The following MMRN1 variants were observed in gnomAD, a reference collection of about 807,000 sequenced individuals.
MMRN1 encodes multimerin 1.
In MMRN1, 94 loss-of-function variants were observed where a neutral mutation model predicts 100.7. The ratio of observed to expected loss-of-function variants is 0.93; its 90% CI spans 0.79 to 1.11. The LOEUF (loss-of-function observed/expected upper bound fraction) is 1.11. MMRN1 is among the 50% of genes least tolerant of loss of function. The pLI is 0.00. For synonymous variants in MMRN1, 575 were observed against 505.0 expected, an observed-to-expected ratio of 1.14 and a Z score of -1.86; for missense variants, 1,606 against 1,439.1, an observed-to-expected ratio of 1.12 and a Z score of -1.88.
At chr4:89,911,702 C>G (rs1241243140) in intron 2 of MMRN1, among the ~76,000 whole-genome samples, 1 of 151,196 alleles carries the variant, frequency 6.6e-6, no homozygotes, top group Non-Finnish European at 1.5e-5. Flanking sequence ...TTTAGAAAGT[C>G]AATGGCAGGT....
rs1247482897 is a variant in MMRN1 at position 89,888,583 on chromosome 4, A to C, written c.-248-6141A>C. 2.6e-5 allele frequency among the ~76,000 whole-genome samples: 4 copies of C among 151,852 alleles called. No individual in the cohort carries two copies. The East Asian group carries it at 7.7e-4, about 29-fold the overall frequency. On this transcript the variant is annotated intron_variant, in intron 1 of 8. Transcript: ENST00000394980. Reference sequence around the variant, plus strand: ...TTCCCTCCATTTATAGGTGTGCTAAACCATATGAAATTGTTCCACAGATCT... The same window carrying C: ...TTCCCTCCATTTATAGGTGTGCTAACCCATATGAAATTGTTCCACAGATCT...
intron 3 of MMRN1, among the ~76,000 whole-genome samples, chr4:89,916,510 A>C (rs1037365536): frequency 2.5e-4 from 38 of 151,704 alleles, no homozygotes; most frequent in Admixed American, 2.4e-3. Flanking sequence ...TTTTCTTTCA[A>C]ATTAGTGATG....
chr4:89,923,162 T>A lies in MMRN1; in HGVS notation c.851-6T>A. The A allele has an allele frequency of 1.2e-6, 2 of 1,612,884 alleles. No homozygotes were observed. The highest frequency in any genetic ancestry group is 1.7e-4 in the Middle Eastern group (1 of 6,058). ...CTGTCTCTCTTCTCTTTCTGCTTCC[T>A]TCTAGCCCAGGAACAGCAAAGTTTG... On this transcript the variant is annotated splice_region_variant and splice_polypyrimidine_tract_variant and intron_variant, in intron 3 of 7. Coordinates refer to ENST00000264790, the MANE Select transcript of MMRN1 (RefSeq NM_007351.3).
intron 6 of MMRN1, among the ~76,000 whole-genome samples, chr4:89,937,440 C>T (rs1218774414): frequency 6.6e-6 from 1 of 151,962 alleles, no homozygotes; most frequent in Non-Finnish European, 1.5e-5. Flanking sequence ...TGGCAAGAGC[C>T]ATAGAGGAAG....
At chr4:89,912,196 T>C (rs1483678729) in intron 3 of MMRN1, 146 bp downstream of exon 3, 3 of 477,682 alleles carry the variant, frequency 6.3e-6, no homozygotes, top group Non-Finnish European at 1.1e-5. Context: ...GCTTTCTAAC[T>C]TGGTAGCTTT....
chr4:89,924,833 A>G (rs1722197028), intron 4 of MMRN1, among the ~76,000 whole-genome samples: 2 of 152,064 alleles, frequency 1.3e-5, no homozygotes, highest in Admixed American at 1.3e-4. Flanking sequence ...ACAGAGCGAG[A>G]CTGTCTCAAA....
chr4:89,911,159 T>G (rs111924283), intron 2 of MMRN1, among the ~76,000 whole-genome samples: 27 of 151,584 alleles, frequency 1.8e-4, no homozygotes, highest in African/African-American at 6.0e-4. Flanking sequence ...ATTTGATAAA[T>G]AGCAACTAAA....
At chr4:89,947,204 T>A (rs6811206) in intron 6 of MMRN1, among the ~76,000 whole-genome samples, 2 of 152,174 alleles carry the variant, frequency 1.3e-5, no homozygotes, top group African/African-American at 4.8e-5. Flanking sequence ...ATAGCTTAAG[T>A]CCAGGAGGCA....
upstream of MMRN1, among the ~76,000 whole-genome samples, chr4:89,892,236 C>T (rs948402305): frequency 6.6e-6 from 1 of 151,616 alleles, no homozygotes; most frequent in Non-Finnish European, 1.5e-5. Context: ...ATAAAATATT[C>T]ATGGTGAACA....
intron 1 of MMRN1, among the ~76,000 whole-genome samples, chr4:89,903,154 T>C (rs1403864803): frequency 6.6e-6 from 1 of 151,920 alleles, no homozygotes; most frequent in Non-Finnish European, 1.5e-5. Context: ...TTTTTTCATG[T>C]ATATATTTCC....
chr4:89,888,944 C>T (rs1720993101), intron 1 of MMRN1, among the ~76,000 whole-genome samples: 1 of 151,898 alleles, frequency 6.6e-6, no homozygotes, highest in Admixed American at 6.6e-5. Flanking sequence ...CTCTCTTGAC[C>T]ATGAATTACA....
rs760561791 is a variant in MMRN1, at chr4:89,935,061, A to G, written c.1381A>G (p.Asn461Asp). Reference protein sequence around the residue: ...PTLTDIVELRNHIVNVRQEMT... With the variant: ...PTLTDIVELRDHIVNVRQEMT... ...TTTGACTGATATAGTGGAACTAAGGAATCACATTGTGAATGTAAGGCAAGA... is the reference window on the plus strand; with the variant it reads ...TTTGACTGATATAGTGGAACTAAGGGATCACATTGTGAATGTAAGGCAAGA... Residue 461 changes from asparagine to aspartate, a missense_variant, in exon 6 of 8, where the codon AAT becomes GAT. Transcript: ENST00000264790. 3.7e-6 allele frequency: 6 copies of G among 1,613,718 alleles called. No homozygotes were observed. Among genetic ancestry groups the G allele is most frequent in the Non-Finnish European group, 5.1e-6 (6 of 1,179,784 alleles).
chr4:89,947,608 A>T (rs1723028404), intron 6 of MMRN1, among the ~76,000 whole-genome samples: 1 of 152,174 alleles, frequency 6.6e-6, no homozygotes, highest in African/African-American at 2.4e-5. Context: ...TGATGAATTC[A>T]AGAAGACAAC....
At chr4:89,898,670 G>T (rs1721288049) in intron 1 of MMRN1, among the ~76,000 whole-genome samples, 2 of 151,668 alleles carry the variant, frequency 1.3e-5, no homozygotes, top group Non-Finnish European at 2.9e-5. Flanking sequence ...GGTACAATAT[G>T]TGCTGTTTGT....
At chr4:89,914,835 G>A (rs1433839286) in intron 3 of MMRN1, among the ~76,000 whole-genome samples, 2 of 151,510 alleles carry the variant, frequency 1.3e-5, no homozygotes, top group Admixed American at 6.6e-5. Flanking sequence ...AGGAAAGTGT[G>A]ACTTGCTTTA....
upstream of MMRN1, among the ~76,000 whole-genome samples, chr4:89,891,876 G>C (rs1463979232): frequency 2.8e-4 from 42 of 151,928 alleles, no homozygotes; most frequent in Non-Finnish European, 2.9e-5. Context: ...TAATCTGGTG[G>C]AAGTTAGCCC....
At chr4:89,933,787 A>G (rs1174287838) in intron 5 of MMRN1, among the ~76,000 whole-genome samples, 1 of 152,196 alleles carries the variant, frequency 6.6e-6, no homozygotes, top group Non-Finnish European at 1.5e-5. Flanking sequence ...GGTACCATTC[A>G]AGATGAGGTT....
chr4:89,912,048 G>A lies in MMRN1; in HGVS notation c.848G>A (p.Arg283Lys), dbSNP rs767329491. ...PGYSGPKCQL[R>K]AQEQQSLIHT... The stretch of plus-strand genomic sequence containing the variant: ...TACAGTGGGCCGAAATGTCAACTAA[G>A]AGGTACACTCTAATATTAATAATCA... The change falls in exon 3 of 8, where the codon AGA becomes AAA. Residue 283 changes from arginine to lysine, a missense_variant and splice_region_variant. Transcript: ENST00000264790. 1 of 1,569,484 alleles carries A rather than the reference G, an allele frequency of 6.4e-7. No individual in the cohort carries two copies. Among genetic ancestry groups the A allele is most frequent in the Non-Finnish European group, 8.7e-7 (1 of 1,148,044 alleles).
intron 3 of MMRN1, among the ~76,000 whole-genome samples, 162 bp from the exon 4 acceptor site, chr4:89,923,006 G>T (rs964380572): frequency 6.6e-6 from 1 of 152,012 alleles, no homozygotes; most frequent in Non-Finnish European, 1.5e-5. Flanking sequence ...GTGTTGCATT[G>T]CCCTATGGTT....
Sources: gnomAD v4.1 joint callset for allele counts (sites outside exome capture counted in the v4.1 genomes callset) on GRCh38, gnomAD v4.1.1 for gene constraint, MANE v1.5 for transcripts, NCBI Gene and HGNC (gene_info 2026-07-23, HGNC 2026-07-21) for gene names.